The following NDUFS4 variants were observed in gnomAD, a reference collection of about 807,000 sequenced individuals.
NDUFS4 encodes NADH:ubiquinone oxidoreductase subunit S4, also known as NADH dehydrogenase [ubiquinone] iron-sulfur protein 4, mitochondrial.
In NDUFS4, 28 loss-of-function variants were observed where a neutral mutation model predicts 24.3. That is an observed-to-expected ratio of 1.15 (90% CI 0.85 to 1.58). The LOEUF is 1.58. Among genes scored for constraint, NDUFS4 ranks in the 40% most tolerant of loss-of-function variants. NDUFS4 has a pLI of 0.00. For synonymous variants in NDUFS4, 93 were observed against 69.7 expected (o/e 1.34, Z -1.67); for missense variants, 223 against 207.9 (o/e 1.07, Z -0.45).
intron 1 of NDUFS4, among the ~76,000 whole-genome samples, chr5:53,569,069 G>GC (rs1561331953): frequency 3.3e-5 from 5 of 152,154 alleles, no homozygotes; most frequent in African/African-American, 1.2e-4. Context: ...ATGTCAGTCT[G>GC]TCTTGATGAG....
intron 4 of NDUFS4, among the ~76,000 whole-genome samples, chr5:53,660,200 G>A (rs533523599): frequency 4.4e-5 from 6 of 135,434 alleles, no homozygotes; most frequent in Admixed American, 8.7e-5. Context: ...TCCTGTGTCC[G>A]TGTGTTCTCA....
At chr5:53,626,797 G>A (rs1053627435) in intron 2 of NDUFS4, among the ~76,000 whole-genome samples, 9 of 151,994 alleles carry the variant, frequency 5.9e-5, no homozygotes, top group Non-Finnish European at 1.2e-4. Context: ...TTGTCAGATT[G>A]ATAGATTGCA....
intron 2 of NDUFS4, among the ~76,000 whole-genome samples, chr5:53,629,505 T>C (rs1414468766): frequency 6.6e-6 from 1 of 152,186 alleles, no homozygotes; most frequent in Non-Finnish European, 1.5e-5. Flanking sequence ...TGTTATTGTG[T>C]GGGAGGCTAA....
intron 4 of NDUFS4, among the ~76,000 whole-genome samples, chr5:53,661,356 G>T (rs192862205): frequency 1.3e-5 from 2 of 152,116 alleles, no homozygotes; most frequent in African/African-American, 4.8e-5. Context: ...TTCCATTGGT[G>T]TATATCTCTG....
chr5:53,621,690 ATTTTTTTTTTTTTTT>A (rs58169759), intron 2 of NDUFS4, among the ~76,000 whole-genome samples: 22 of 81,552 alleles, frequency 2.7e-4, no homozygotes, highest in African/African-American at 1.1e-3. Context: ...CTCATAGTAA[ATTTTTTTTTTTTTTT>A]TTTTTTTTTT....
At chr5:53,606,304 C>A (rs1345429948) in intron 2 of NDUFS4, among the ~76,000 whole-genome samples, 1 of 152,164 alleles carries the variant, frequency 6.6e-6, no homozygotes, top group Non-Finnish European at 1.5e-5. Context: ...TGTGAGGAGG[C>A]CTTAGGGGAC....
chr5:53,638,652 TG>T (rs1751622472), intron 2 of NDUFS4, among the ~76,000 whole-genome samples: 1 of 152,066 alleles, frequency 6.6e-6, no homozygotes. Flanking sequence ...TCCCATGATA[TG>T]AGTTTACCTA....
intron 2 of NDUFS4, among the ~76,000 whole-genome samples, chr5:53,605,273 A>G (rs1434781198): frequency 6.6e-6 from 1 of 152,134 alleles, no homozygotes; most frequent in African/African-American, 2.4e-5. Flanking sequence ...AGTGAGGATG[A>G]TTTTCACATC....
chr5:53,574,464 T>C (rs1303002615), intron 1 of NDUFS4, among the ~76,000 whole-genome samples: 1 of 152,228 alleles, frequency 6.6e-6, no homozygotes, highest in Non-Finnish European at 1.5e-5. Flanking sequence ...TTTGGTTTCC[T>C]AATACTTTGT....
chr5:53,658,821 C>T (rs956165237), intron 4 of NDUFS4, 197 bp downstream of exon 4: 13 of 548,498 alleles, frequency 2.4e-5, no homozygotes, highest in Non-Finnish European at 3.9e-5. Context: ...TTGGAATGCT[C>T]ATACAACATG....
At chr5:53,592,800 G>T (rs1750016442) in intron 1 of NDUFS4, among the ~76,000 whole-genome samples, 1 of 152,106 alleles carries the variant, frequency 6.6e-6, no homozygotes, top group Non-Finnish European at 1.5e-5. Context: ...CTTAAAGTCG[G>T]GTAATAACAG....
At chr5:53,670,294 T>G (rs1752627364) in intron 4 of NDUFS4, among the ~76,000 whole-genome samples, 1 of 114,602 alleles carries the variant, frequency 8.7e-6, no homozygotes, top group Non-Finnish European at 1.9e-5. Flanking sequence ...TAGTAGATCT[T>G]AAAAAATAAT....
In NDUFS4 at chr5:53,598,048, A is replaced by G. The variant is rs77058001; in HGVS notation, c.99-5404A>G. Among the ~76,000 whole-genome samples the G allele has an allele frequency of 7.3e-3, 1,114 of 152,316 alleles. 13 individuals are homozygous for G. Among genetic ancestry groups the G allele is most frequent in the African/African-American group, 0.025 (1,059 of 41,568 alleles). On this transcript the variant is annotated intron_variant, in intron 1 of 4. Transcript: ENST00000296684. ...TCGGGAATTACAAATTAAAACAACA[A>G]TGAAATAGTACTACACACCTGTTAG...
chr5:53,662,781 A>G (rs566181528), intron 4 of NDUFS4, among the ~76,000 whole-genome samples: 1 of 100,238 alleles, frequency 1.0e-5, no homozygotes, highest in African/African-American at 4.5e-5. Flanking sequence ...ATTTATTTGC[A>G]TAGAGGTGCT....
At chr5:53,654,883 T>C (rs1752119582) in intron 3 of NDUFS4, among the ~76,000 whole-genome samples, 1 of 152,210 alleles carries the variant, frequency 6.6e-6, no homozygotes, top group Non-Finnish European at 1.5e-5. Context: ...TAGGCTTTGC[T>C]CATAAGCAGA....
intron 2 of NDUFS4, among the ~76,000 whole-genome samples, chr5:53,617,342 ACT>A (rs1182435157): frequency 6.6e-6 from 1 of 151,386 alleles, no homozygotes; most frequent in African/African-American, 2.4e-5. Flanking sequence ...GTCTTTTGAC[ACT>A]CTGTCTTTTG....
Position 53,675,949 on chromosome 5 carries a change from G to A in NDUFS4, c.425-7169G>A, listed in dbSNP as rs1740453967. Reference sequence around the variant, plus strand: ...ATTTCTTCGATGATGAAGTTTGCCTGCCTTTGGTTGATAAATCTATAGGAT... The same window carrying A: ...ATTTCTTCGATGATGAAGTTTGCCTACCTTTGGTTGATAAATCTATAGGAT... On this transcript the variant is annotated intron_variant, in intron 4 of 4. Coordinates refer to ENST00000296684, the MANE Select transcript of NDUFS4 (RefSeq NM_002495.4). Among the ~76,000 whole-genome samples the A allele has an allele frequency of 2.0e-5, 3 of 152,164 alleles. No homozygotes were observed. The South Asian group carries it at 6.2e-4, about 31-fold the overall frequency.
intron 1 of NDUFS4, among the ~76,000 whole-genome samples, chr5:53,566,606 C>T (rs1749035314): frequency 6.6e-6 from 1 of 152,130 alleles, no homozygotes; most frequent in Non-Finnish European, 1.5e-5. Context: ...GGTTCCAGGA[C>T]TCCTCAAGGA....
intron 3 of NDUFS4, among the ~76,000 whole-genome samples, chr5:53,649,087 G>A (rs916789174): frequency 1.6e-4 from 25 of 152,104 alleles, no homozygotes; most frequent in Non-Finnish European, 2.9e-4. Context: ...GAAACAATAG[G>A]AATCTATATT....
Sources: allele counts gnomAD v4.1 joint callset (sites outside exome capture counted in the v4.1 genomes callset), GRCh38; gene constraint gnomAD v4.1.1; transcripts MANE v1.5; gene names NCBI Gene and HGNC (gene_info 2026-07-23, HGNC 2026-07-21).